The following PDE8B variants were observed in gnomAD, a reference collection of about 807,000 sequenced individuals.
The protein encoded by PDE8B is phosphodiesterase 8B, also known as high affinity cAMP-specific and IBMX-insensitive 3',5'-cyclic phosphodiesterase 8B.
PDE8B carries 26 observed loss-of-function variants against 101.3 expected under a neutral mutation model. That is an observed-to-expected ratio of 0.26 (90% CI 0.19 to 0.36). The LOEUF is 0.36. Among genes scored for constraint, PDE8B ranks in the 10% least tolerant of loss-of-function variants. The pLI, the probability that PDE8B is intolerant of heterozygous loss-of-function variation, is 1.00. For synonymous variants in PDE8B, 424 were observed against 429.3 expected, an observed-to-expected ratio of 0.99 and a Z score of 0.15; for missense variants, 810 against 1,163.1, an observed-to-expected ratio of 0.70 and a Z score of 4.42.
the PDE8B span, among the ~76,000 whole-genome samples, chr5:77,129,795 A>G: frequency 1.3e-5 from 2 of 150,122 alleles, no homozygotes; most frequent in Non-Finnish European, 3.0e-5. Context: ...CAGTAAAAGA[A>G]TTGGCATAAC....
intron 2 of PDE8B, among the ~76,000 whole-genome samples, chr5:77,318,364 T>C (rs1774298629): frequency 6.6e-6 from 1 of 152,210 alleles, no homozygotes; most frequent in Non-Finnish European, 1.5e-5. Context: ...AATTTTCATC[T>C]AATATTATAG....
chr5:77,419,396 G>A (rs572067913), intron 18 of PDE8B, among the ~76,000 whole-genome samples: 1 of 152,336 alleles, frequency 6.6e-6, no homozygotes, highest in African/African-American at 2.4e-5. Flanking sequence ...TTTGCACAGA[G>A]TGCAGTGGGC....
In PDE8B at chr5:77,421,841, A is replaced by G. The variant is rs756639816; in HGVS notation, c.2271A>G (p.Glu757=). Residue 757 remains glutamate, a synonymous_variant, in exon 20 of 22, where the codon GAA becomes GAG. Coordinates refer to ENST00000264917, the MANE Select transcript of PDE8B (RefSeq NM_003719.5). ...MAAEIEGSDC[E]CNPAGKNFPE... ...TCCAGATTGAAGGCAGCGACTGTGA[A>G]TGCAACCCTGCTGGGAAGAACTTCC... 12 of 1,614,168 alleles carry G rather than the reference A, an allele frequency of 7.4e-6. No individual in the cohort carries two copies. The East Asian group carries it at 2.7e-4, about 36-fold the overall frequency.
chr5:77,209,518 C>T (rs1267022457), upstream of PDE8B, among the ~76,000 whole-genome samples: 2 of 152,164 alleles, frequency 1.3e-5, no homozygotes, highest in African/African-American at 2.4e-5. Context: ...TTGTGAAAAT[C>T]GGGCAGGAAT....
chr5:77,282,749 G>A (rs988438035), intron 1 of PDE8B, among the ~76,000 whole-genome samples: 2 of 152,072 alleles, frequency 1.3e-5, no homozygotes, highest in African/African-American at 4.8e-5. Flanking sequence ...GCACGCTCAG[G>A]AAAGTGTGAA....
intron 5 of PDE8B, among the ~76,000 whole-genome samples, chr5:77,335,371 CAG>C (rs1300988473): frequency 1.3e-5 from 2 of 152,126 alleles, no homozygotes; most frequent in Admixed American, 6.6e-5. Flanking sequence ...GTAAATCAAA[CAG>C]AAAGTATTTC....
At chr5:77,409,135 C>T in intron 14 of PDE8B, 78 bp downstream of exon 14, 1 of 1,252,500 alleles carries the variant, frequency 8.0e-7, no homozygotes. Flanking sequence ...GAAACTGTTA[C>T]CTGTGGTTGC....
Position 77,294,877 on chromosome 5 carries a change from T to C in PDE8B, c.340-17117T>C, listed in dbSNP as rs553232817. ...TAATATATATATGATATATATAATA[T>C]ATATTATATCTATCTAGATAGGTCC... On this transcript the variant is annotated intron_variant, in intron 1 of 21. Coordinates refer to ENST00000264917, the MANE Select transcript of PDE8B (RefSeq NM_003719.5). Among the ~76,000 whole-genome samples, 8 of 148,314 alleles carry C rather than the reference T, an allele frequency of 5.4e-5. No individual in the cohort carries two copies. In the East Asian group the frequency reaches 1.6e-3, roughly 29 times the overall value.
At chr5:77,382,495 A>G (rs754350623) in intron 10 of PDE8B, among the ~76,000 whole-genome samples, 2 of 152,132 alleles carry the variant, frequency 1.3e-5, no homozygotes, top group African/African-American at 4.8e-5. Flanking sequence ...GATTTGTTAC[A>G]TAAGTATACA....
chr5:77,120,859 C>T, the PDE8B span, among the ~76,000 whole-genome samples: 1 of 152,176 alleles, frequency 6.6e-6, no homozygotes, highest in Admixed American at 6.5e-5. Flanking sequence ...TGTGTCAGTG[C>T]TTAAAGCCCT....
the PDE8B span, among the ~76,000 whole-genome samples, chr5:77,116,404 G>C: frequency 1.3e-5 from 2 of 151,574 alleles, no homozygotes; most frequent in Non-Finnish European, 2.9e-5. Flanking sequence ...GCTAACTCTT[G>C]TATTTTTACA....
chr5:77,417,931 A>T (rs1795901977), intron 17 of PDE8B, among the ~76,000 whole-genome samples: 2 of 152,146 alleles, frequency 1.3e-5, no homozygotes, highest in Non-Finnish European at 2.9e-5. Flanking sequence ...CAGAAATACC[A>T]TACAGTGGGC....
chr5:77,097,067 C>A, the PDE8B span, among the ~76,000 whole-genome samples: 1 of 151,986 alleles, frequency 6.6e-6, no homozygotes, highest in East Asian at 1.9e-4. Context: ...GTCCCTATTA[C>A]CTAGATTACT....
Position 77,210,837 on chromosome 5 carries a change from G to T in PDE8B, c.-89G>T. 9.9e-7 allele frequency: 1 copy of T among 1,014,000 alleles called. No individual in the cohort carries two copies. Among genetic ancestry groups the T allele is most frequent in the Non-Finnish European group, 1.2e-6 (1 of 850,084 alleles). The allele number at this position is 1,014,000 out of a possible 1,614,324, so 62.8% of individuals were successfully genotyped here. A position where few individuals can be genotyped will look rare whatever the true frequency, so the allele number is the denominator to read the frequency against. On this transcript the variant is annotated 5_prime_UTR_variant, in exon 1 of 22. Transcript: ENST00000264917. The surrounding 1 kb of genome is among the most constrained non-coding windows in gnomAD (Gnocchi z 4.9). ...GGGCGCGCAGTCCGGGCGCCGCCGC[G>T]GCCGCCCCCTCACTGCAGGTGGCAG...
intron 10 of PDE8B, among the ~76,000 whole-genome samples, chr5:77,378,299 AAAT>A (rs1786698511): frequency 6.6e-6 from 1 of 151,796 alleles, no homozygotes. Flanking sequence ...TCTCTACTAA[AAAT>A]ACAAAAATCA....
chr5:77,215,209 A>C (rs1749410082), intron 1 of PDE8B, among the ~76,000 whole-genome samples: 1 of 152,170 alleles, frequency 6.6e-6, no homozygotes, highest in South Asian at 2.1e-4. Context: ...TACAGGTCCT[A>C]ATGTCTTGCT....
chr5:77,174,844 A>G, the PDE8B span, among the ~76,000 whole-genome samples: 3 of 152,048 alleles, frequency 2.0e-5, no homozygotes, highest in Non-Finnish European at 2.9e-5. Context: ...ATGACTCTCA[A>G]ATTTATGGCT....
Position 77,426,544 on chromosome 5 carries a change from C to G in PDE8B, c.2648C>G (p.Ser883Cys). 6.3e-7 allele frequency: 1 copy of G among 1,598,970 alleles called. No homozygotes were observed. Among genetic ancestry groups the G allele is most frequent in the Non-Finnish European group, 8.6e-7 (1 of 1,166,344 alleles). The change falls in exon 22 of 22, where the codon TCT becomes TGT. Residue 883 changes from serine (S) to cysteine (C), a missense_variant. Physicochemically the swap from Ser to Cys is moderately radical, Grantham distance 112. Transcript: ENST00000264917. ...DLKCKSLRLP[S>C]DS is the part of the protein sequence containing the mutation. ...AAGTGCAAAAGTTTGAGGCTTCCAT[C>G]TGACAGCTAAAGCCAAGCCACAGAG... is the stretch of plus-strand genomic sequence containing the variant.
the PDE8B span, among the ~76,000 whole-genome samples, chr5:77,138,784 A>G: frequency 6.6e-6 from 1 of 152,184 alleles, no homozygotes; most frequent in African/African-American, 2.4e-5. Flanking sequence ...CTAAAACACT[A>G]TGTAAAGATA....
Sources: allele counts gnomAD v4.1 joint callset (sites outside exome capture counted in the v4.1 genomes callset), GRCh38; gene constraint gnomAD v4.1.1; non-coding constraint Gnocchi (gnomAD v3.1); transcripts MANE v1.5; gene names NCBI Gene and HGNC (gene_info 2026-07-23, HGNC 2026-07-21).